Variants in COMMD2 observed in about 807,000 individuals in gnomAD.
COMMD2 encodes the protein COMM domain-containing protein 2.
Under a neutral mutation model 22.5 loss-of-function variants are expected in COMMD2, and 25 were observed. That is an observed-to-expected ratio of 1.11 (90% CI 0.81 to 1.55). COMMD2 has a LOEUF of 1.55. Among genes scored for constraint, COMMD2 ranks in the 40% most tolerant of loss-of-function variants. The pLI is 0.00. For missense variants in COMMD2, 223 were observed against 232.9 expected (o/e 0.96, Z 0.28); for synonymous variants, 98 against 91.2 (o/e 1.07, Z -0.42).
intron 4 of COMMD2, among the ~76,000 whole-genome samples, chr3:149,747,987 G>A (rs1201845759): frequency 6.7e-6 from 1 of 149,698 alleles, no homozygotes. Flanking sequence ...AGTATAGAAA[G>A]GAGCAAAATA....
In COMMD2 at chr3:149,750,744, C is replaced by T. The variant is rs750078176; in HGVS notation, c.336G>A (p.Thr112=). ...LYLDNRKEIR[T]ILSELAPSLP... is the part of the protein sequence containing the mutation. Reference sequence around the variant, plus strand: ...GGCTTGGTGCCAATTCACTCAGAATCGTTCTGATCTCTTTTCTGTTGTCCA... The same window carrying T: ...GGCTTGGTGCCAATTCACTCAGAATTGTTCTGATCTCTTTTCTGTTGTCCA... The change falls in exon 4 of 5, where the codon ACG becomes ACA. Residue 112 remains threonine, a synonymous_variant. Transcript: ENST00000473414. 9.3e-6 allele frequency: 15 copies of T among 1,606,836 alleles called. No individual in the cohort carries two copies. Among genetic ancestry groups the T allele is most frequent in the East Asian group, 4.5e-5 (2 of 44,734 alleles).
intron 4 of COMMD2, among the ~76,000 whole-genome samples, chr3:149,744,614 A>T (rs543274666): frequency 2.0e-5 from 3 of 152,354 alleles, no homozygotes; most frequent in Admixed American, 6.5e-5. Context: ...CATCACTACC[A>T]GTCTCCATGA....
Position 149,741,392 on chromosome 3 carries a change from TTGGA to T in COMMD2, c.*125_*128del. ...AGCTTCTGATTATGACCTCAGTATC[TTGGA>T]ATAGATACTGAGGAATACTATGTAT... is the stretch of plus-strand genomic sequence containing the variant. On this transcript the variant is annotated 3_prime_UTR_variant, in exon 5 of 5. Transcript: ENST00000473414. The T allele has an allele frequency of 2.6e-5, 20 of 780,436 alleles. No individual in the cohort carries two copies. The highest frequency in any genetic ancestry group is 3.9e-5 in the Non-Finnish European group (19 of 484,120). The allele number at this position is 780,436 out of a possible 1,614,324, so 48.3% of individuals were successfully genotyped here.
intron 4 of COMMD2, among the ~76,000 whole-genome samples, chr3:149,746,343 A>G (rs111414000): frequency 2.0e-4 from 31 of 152,320 alleles, no homozygotes; most frequent in African/African-American, 7.0e-4. Flanking sequence ...GGCCAAAAAT[A>G]CTTGGCCTGT....
chr3:149,750,797 A>G lies in COMMD2; in HGVS notation c.283T>C (p.Leu95=), dbSNP rs749538024. ...TAAAGCTGAAGCAACAATTTGTTTA[A>G]TTCTTCAGAGAATCCCAGAACAAAA... ...SVFVLGFSEE[L]NKLLLQLYLD... is the part of the protein sequence containing the mutation. The change falls in exon 4 of 5, where the codon TTA becomes CTA. Residue 95 remains leucine, a synonymous_variant. Coordinates refer to ENST00000473414, the MANE Select transcript of COMMD2 (RefSeq NM_016094.4). 6.2e-7 allele frequency: 1 copy of G among 1,605,756 alleles called. No individual in the cohort carries two copies.
chr3:149,752,243 C>G lies in COMMD2; in HGVS notation c.112G>C (p.Gly38Arg). The part of the protein sequence containing the change: ...GRIAVEFLRR[G>R]ANPKIYEGAA... ...CCTTCGTAGATTTTTGGGTTTGCGCCGCGTCTCAGGAATTCCACAGCAATC... is the reference window on the plus strand; with the variant it reads ...CCTTCGTAGATTTTTGGGTTTGCGCGGCGTCTCAGGAATTCCACAGCAATC... The change falls in exon 2 of 5, where the codon GGC (glycine) becomes CGC (arginine). Residue 38 changes from glycine (G) to arginine (R), a missense_variant. Coordinates refer to ENST00000473414, the MANE Select transcript of COMMD2 (RefSeq NM_016094.4). 1 of 1,614,066 alleles carries G rather than the reference C, an allele frequency of 6.2e-7. No homozygotes were observed. Among genetic ancestry groups the G allele is most frequent in the Non-Finnish European group, 8.5e-7 (1 of 1,179,988 alleles).
At position 149,739,844 on chromosome 3, in the gene COMMD2, G is replaced by C. The variant is rs896358375; in HGVS notation, c.*1677C>G. Reference sequence around the variant, plus strand: ...TTTGCTGACATCTAATAATATAGTTGTTTCACAACGGCAGAATATATACCT... The same window carrying C: ...TTTGCTGACATCTAATAATATAGTTCTTTCACAACGGCAGAATATATACCT... On this transcript the variant is annotated 3_prime_UTR_variant, in exon 5 of 5. Transcript: ENST00000473414. 12 of 152,130 alleles carry C rather than the reference G, an allele frequency of 7.9e-5. No homozygotes were observed. Among genetic ancestry groups the C allele is most frequent in the African/African-American group, 2.7e-4 (11 of 41,434 alleles). 9.4% of individuals were successfully genotyped at this position (152,130 alleles called of 1,614,324 possible).
intron 4 of COMMD2, 26 bp from the exon 5 acceptor site, chr3:149,741,744 C>G: frequency 6.5e-7 from 1 of 1,533,570 alleles, no homozygotes. Context: ...AATAAGAGCA[C>G]AGTAACTATT....
At position 149,750,858 on chromosome 3, in the gene COMMD2, G is replaced by A; in HGVS notation, c.229-7C>T. The A allele has an allele frequency of 6.5e-7, 1 of 1,538,884 alleles. No homozygotes were observed. The highest frequency in any genetic ancestry group is 8.8e-7 in the Non-Finnish European group (1 of 1,135,126). ...GGAAATCCAGTTCAGAAATCTAAGT[G>A]AATTGAGTTTAAAAGAACATCAAAA... On this transcript the variant is annotated splice_polypyrimidine_tract_variant and splice_region_variant and intron_variant, in intron 3 of 4. Transcript: ENST00000473414.
chr3:149,744,253 A>T (rs1040783761), intron 4 of COMMD2, among the ~76,000 whole-genome samples: 1 of 152,214 alleles, frequency 6.6e-6, no homozygotes, highest in Admixed American at 6.5e-5. Context: ...CAAGGCACTG[A>T]AAAGGGTATT....
rs1370984977 is a variant in COMMD2 at position 149,741,616 on chromosome 3, G to A, written c.505C>T (p.Pro169Ser). Reference sequence around the variant, plus strand: ...TGAACCAAATGGAGCAGGGTGGCTGGGTCTGTCTGCAGAACTTTGGTGTTG... The same window carrying A: ...TGAACCAAATGGAGCAGGGTGGCTGAGTCTGTCTGCAGAACTTTGGTGTTG... ...DHNTKVLQTD[P>S]ATLLHLVQQL... is the part of the protein sequence containing the mutation. Residue 169 changes from proline (P) to serine (S), a missense_variant, in exon 5 of 5, where the codon CCA (proline) becomes TCA (serine). Physicochemically the swap from Pro to Ser is moderately conservative, Grantham distance 74. Coordinates refer to ENST00000473414, the MANE Select transcript of COMMD2 (RefSeq NM_016094.4). 1 of 1,613,872 alleles carries A rather than the reference G, an allele frequency of 6.2e-7. No homozygotes were observed. The highest frequency in any genetic ancestry group is 1.3e-5 in the African/African-American group (1 of 74,956).
At chr3:149,747,160 A>G (rs925066789) in intron 4 of COMMD2, among the ~76,000 whole-genome samples, 3 of 152,234 alleles carry the variant, frequency 2.0e-5, no homozygotes, top group Admixed American at 6.5e-5. Context: ...TCAAATTACC[A>G]AAGTGGAGAT....
Position 149,743,086 on chromosome 3 carries a change from C to A in COMMD2, c.403-1368G>T, listed in dbSNP as rs537034497. Among the ~76,000 whole-genome samples, 6 of 152,054 alleles carry A rather than the reference C, an allele frequency of 3.9e-5. No homozygotes were observed. The East Asian group carries it at 1.2e-3, about 29-fold the overall frequency. On this transcript the variant is annotated intron_variant, in intron 4 of 4. Coordinates refer to ENST00000473414, the MANE Select transcript of COMMD2 (RefSeq NM_016094.4). ...ATTGGGTACAGGTTCTTCAAAAGTA[C>A]TGGTTTTATTTGTTAAGCTTGGTGG...
Position 149,745,268 on chromosome 3 carries a change from A to C in COMMD2, c.403-3550T>G, listed in dbSNP as rs577627936. 3.0e-4 allele frequency among the ~76,000 whole-genome samples: 45 copies of C among 152,352 alleles called. No individual in the cohort carries two copies. The South Asian group carries it at 8.7e-3, about 29-fold the overall frequency. ...CTGTGTTTTGTTCTTTGCCGTATCT[A>C]CAGCACCTGGCACATGTTAGGGGTA... On this transcript the variant is annotated intron_variant, in intron 4 of 4. Transcript: ENST00000473414.
At chr3:149,750,404 G>C (rs1367994931) in intron 4 of COMMD2, 2 of 500,520 alleles carry the variant, frequency 4.0e-6, no homozygotes, top group East Asian at 1.0e-4. Context: ...AAACAGAAAA[G>C]TTTTTAAACA....
At chr3:149,744,622 T>C (rs1367993562) in intron 4 of COMMD2, among the ~76,000 whole-genome samples, 1 of 152,226 alleles carries the variant, frequency 6.6e-6, no homozygotes, top group Non-Finnish European at 1.5e-5. Flanking sequence ...CCAGTCTCCA[T>C]GAGACAAGTC....
In COMMD2 at chr3:149,739,411, G is replaced by A. The variant is rs1156934339; in HGVS notation, c.*2110C>T. On this transcript the variant is annotated 3_prime_UTR_variant, in exon 5 of 5. Transcript: ENST00000473414. ...AGGCAAACTGCTCCCAACTCACCCT[G>A]GTCTCAAAAGGTGAAGAAGGTAGAA... is the stretch of plus-strand genomic sequence containing the variant. 6.6e-6 allele frequency: 1 copy of A among 152,160 alleles called. No homozygotes were observed. Among genetic ancestry groups the A allele is most frequent in the Non-Finnish European group, 1.5e-5 (1 of 68,030 alleles). 9.4% of individuals were successfully genotyped at this position (152,160 alleles called of 1,614,324 possible). A position where few individuals can be genotyped will look rare whatever the true frequency, so the allele number is the denominator to read the frequency against.
rs552578173 is a variant in COMMD2, at chr3:149,738,688, G to T, written c.*2833C>A. On this transcript the variant is annotated 3_prime_UTR_variant, in exon 5 of 5. Transcript: ENST00000473414. ...AATTCAAATCCTTTTGTCCAACTCC[G>T]AAGACTTATCTCTTAACCACTTCAT... 2 of 152,040 alleles carry T rather than the reference G, an allele frequency of 1.3e-5. No individual in the cohort carries two copies. Among genetic ancestry groups the T allele is most frequent in the South Asian group, 4.1e-4 (2 of 4,832 alleles). The allele number at this position is 152,040 out of a possible 1,614,324, so 9.4% of individuals were successfully genotyped here.
At chr3:149,751,596 G>T in intron 2 of COMMD2, 111 bp from the exon 3 acceptor site, 2 of 998,244 alleles carry the variant, frequency 2.0e-6, no homozygotes, top group Non-Finnish European at 2.8e-6. Context: ...TTCAAACACT[G>T]CATGAAAAAC....
Sources: gnomAD v4.1 joint callset for allele counts (sites outside exome capture counted in the v4.1 genomes callset) on GRCh38, gnomAD v4.1.1 for gene constraint, MANE v1.5 for transcripts, NCBI Gene and HGNC (gene_info 2026-07-23, HGNC 2026-07-21) for gene names.